The following SNAP91 variants were observed in gnomAD, a reference collection of about 807,000 sequenced individuals.
The protein encoded by SNAP91 is synaptosome associated protein 91, also known as clathrin coat assembly protein AP180.
A neutral mutation model predicts 100.3 loss-of-function variants in SNAP91; 27 were observed. The observed-to-expected ratio is 0.27, with a 90% CI of 0.20 to 0.37. SNAP91 has a LOEUF of 0.37. SNAP91 is among the 10% of genes least tolerant of loss of function. The pLI, the probability that SNAP91 is intolerant of heterozygous loss-of-function variation, is 1.00. For synonymous variants in SNAP91, 404 were observed against 398.6 expected, an observed-to-expected ratio of 1.01 and a Z score of -0.16; for missense variants, 986 against 1,123.7, an observed-to-expected ratio of 0.88 and a Z score of 1.75.
chr6:83,593,849 C>A, intron 17 of SNAP91, 108 bp from the exon 18 acceptor site: 1 of 1,443,626 alleles, frequency 6.9e-7, no homozygotes. Context: ...TACACACTAG[C>A]TAGGTGTGAG....
chr6:83,565,102 A>C, intron 26 of SNAP91, among the ~76,000 whole-genome samples: 1 of 151,694 alleles, frequency 6.6e-6, no homozygotes, highest in Non-Finnish European at 1.5e-5. Flanking sequence ...AGGATGTTAT[A>C]GGGTAGCAGA....
Position 83,652,078 on chromosome 6 carries a change from T to G in SNAP91, c.658+4676A>C, listed in dbSNP as rs911604850. 3.2e-4 allele frequency among the ~76,000 whole-genome samples: 49 copies of G among 152,290 alleles called. 2 individuals carry two copies. The highest frequency in any genetic ancestry group is 1.3e-4 in the Admixed American group (2 of 15,292). ...TTTTCTCCATCTCTCTACTCTTAAT[T>G]TATGTGTGTCTTTATATTTAAAGTA... On this transcript the variant is annotated intron_variant, in intron 7 of 29. Transcript: ENST00000369694.
chr6:83,573,114 C>A (rs1333701981), intron 26 of SNAP91, among the ~76,000 whole-genome samples: 2 of 152,040 alleles, frequency 1.3e-5, no homozygotes, highest in African/African-American at 2.4e-5. Context: ...GGCTGAGGGG[C>A]CTTAGATTTT....
chr6:83,582,542 A>G (rs1007337601), intron 22 of SNAP91, among the ~76,000 whole-genome samples, 186 bp from the exon 23 acceptor site: 7 of 152,366 alleles, frequency 4.6e-5, no homozygotes, highest in African/African-American at 1.7e-4. Context: ...TCTGACATGC[A>G]TTAATGAGAG....
intron 16 of SNAP91, among the ~76,000 whole-genome samples, chr6:83,596,188 G>A (rs1014218618): frequency 6.6e-6 from 1 of 152,162 alleles, no homozygotes; most frequent in Non-Finnish European, 1.5e-5. Flanking sequence ...CTCACGGACT[G>A]GGATTACAGG....
chr6:83,570,007 C>T (rs1803968801), intron 26 of SNAP91, among the ~76,000 whole-genome samples: 1 of 151,994 alleles, frequency 6.6e-6, no homozygotes, highest in Non-Finnish European at 1.5e-5. Flanking sequence ...GAGTGGAGCG[C>T]TGCAGAAAAG....
chr6:83,558,473 T>C (rs780014649), intron 28 of SNAP91, among the ~76,000 whole-genome samples: 1 of 152,250 alleles, frequency 6.6e-6, no homozygotes, highest in Non-Finnish European at 1.5e-5. Flanking sequence ...GTAATGGCCA[T>C]GAAGGCTAGG....
chr6:83,622,440 T>C (rs886337584), intron 9 of SNAP91, among the ~76,000 whole-genome samples: 41 of 70,118 alleles, frequency 5.8e-4, no homozygotes, highest in African/African-American at 2.6e-3. Context: ...TAGGTATCTT[T>C]CATTATGACA....
intron 9 of SNAP91, among the ~76,000 whole-genome samples, 158 bp downstream of exon 9, chr6:83,623,143 A>G (rs1207768754): frequency 2.0e-5 from 3 of 152,176 alleles, no homozygotes; most frequent in Non-Finnish European, 4.4e-5. Context: ...AATATATTCA[A>G]TGGCTAGAAA....
intron 22 of SNAP91, among the ~76,000 whole-genome samples, chr6:83,590,228 T>C: frequency 6.6e-6 from 1 of 152,184 alleles, no homozygotes; most frequent in East Asian, 1.9e-4. Flanking sequence ...AAGCCAACAA[T>C]GTCTTGTGAG....
intron 26 of SNAP91, among the ~76,000 whole-genome samples, chr6:83,566,251 T>A (rs1796431745): frequency 1.3e-5 from 2 of 152,258 alleles, no homozygotes; most frequent in South Asian, 2.1e-4. Context: ...GATGGAAATA[T>A]TCTGAAATTA....
intron 26 of SNAP91, 136 bp from the exon 27 acceptor site, chr6:83,561,083 C>T: frequency 3.2e-6 from 2 of 624,346 alleles, no homozygotes; most frequent in Non-Finnish European, 5.4e-6. Flanking sequence ...CACTGCATTG[C>T]CCAGGCTGGA....
chr6:83,630,409 T>C (rs934279658), intron 8 of SNAP91, among the ~76,000 whole-genome samples: 1 of 152,156 alleles, frequency 6.6e-6, no homozygotes, highest in Admixed American at 6.5e-5. Flanking sequence ...TGCGGAATAG[T>C]GTCAATAGGA....
chr6:83,641,760 T>A (rs1480713811), intron 7 of SNAP91, among the ~76,000 whole-genome samples: 1 of 152,202 alleles, frequency 6.6e-6, no homozygotes, highest in Non-Finnish European at 1.5e-5. Flanking sequence ...AGTAGACTTT[T>A]GTGAAAAAAT....
At chr6:83,560,244 A>C (rs748761691) in intron 27 of SNAP91, 36 bp from the exon 28 acceptor site, 4 of 1,479,376 alleles carry the variant, frequency 2.7e-6, no homozygotes, top group Non-Finnish European at 3.8e-6. Context: ...TCAGAGCATG[A>C]GTGGAACTCA....
intron 8 of SNAP91, among the ~76,000 whole-genome samples, chr6:83,629,439 T>C (rs2097114338): frequency 6.6e-6 from 1 of 152,074 alleles, no homozygotes; most frequent in Admixed American, 6.6e-5. Context: ...AATGTGTAGA[T>C]TGCTTTTGGC....
At chr6:83,671,921 C>T (rs2098793081) in intron 2 of SNAP91, among the ~76,000 whole-genome samples, 1 of 151,966 alleles carries the variant, frequency 6.6e-6, no homozygotes, top group South Asian at 2.1e-4. Flanking sequence ...TGAGTCATCT[C>T]CAGCACAACT....
At chr6:83,597,548 A>G (rs1041758042) in intron 16 of SNAP91, among the ~76,000 whole-genome samples, 1 of 152,132 alleles carries the variant, frequency 6.6e-6, no homozygotes, top group African/African-American at 2.4e-5. Flanking sequence ...CTGTTCTTCA[A>G]TTATGGACTC....
chr6:83,597,135 C>T (rs140530840), intron 16 of SNAP91, among the ~76,000 whole-genome samples: 1 of 152,196 alleles, frequency 6.6e-6, no homozygotes, highest in Non-Finnish European at 1.5e-5. Flanking sequence ...AACTCATCTA[C>T]ACCTGTCAGA....
Sources: allele counts gnomAD v4.1 joint callset (sites outside exome capture counted in the v4.1 genomes callset), GRCh38; gene constraint gnomAD v4.1.1; transcripts MANE v1.5; gene names NCBI Gene and HGNC (gene_info 2026-07-23, HGNC 2026-07-21).